The following SPINT3 variants were observed in gnomAD, a reference collection of about 807,000 sequenced individuals.
SPINT3 encodes the protein kunitz-type protease inhibitor 3.
In SPINT3, 4 loss-of-function variants were observed where a neutral mutation model predicts 3.3. That is an observed-to-expected ratio of 1.22 (90% confidence interval 0.60 to 2.79). The LOEUF (loss-of-function observed/expected upper bound fraction) is 2.79. Among genes scored for constraint, SPINT3 ranks in the 30% most tolerant of loss-of-function variants. The probability of loss-of-function intolerance (pLI) is 0.01; values close to 1 mark genes in which losing one functional copy is unlikely to be tolerated. For synonymous variants in SPINT3, 30 were observed against 38.6 expected, an observed-to-expected ratio of 0.78 and a Z score of 0.83; for missense variants, 97 against 104.3, an observed-to-expected ratio of 0.93 and a Z score of 0.31.
intron 1 of SPINT3, among the ~76,000 whole-genome samples, chr20:45,515,252 T>G (rs35801736): frequency 0.37 from 55,785 of 151,980 alleles, 11,258 homozygotes; most frequent in Non-Finnish European, 0.46. Context: ...ACTTTGATCA[T>G]CTATCATTTG....
In SPINT3 at chr20:45,512,753, A is replaced by G. The variant is rs1168407054; in HGVS notation, c.168T>C (p.Phe56=). The part of the protein sequence containing the change: ...QTYMTRWFFN[F]ETGECELFAY... Reference sequence around the variant, plus strand: ...CAAATAACTCACATTCACCAGTTTCAAAGTTGAAAAACCATCGCGTCATGT... The same window carrying G: ...CAAATAACTCACATTCACCAGTTTCGAAGTTGAAAAACCATCGCGTCATGT... The change falls in exon 2 of 2, where the codon TTT becomes TTC. Residue 56 remains phenylalanine (F), a synonymous_variant. Transcript: ENST00000217428. 6.4e-7 allele frequency: 1 copy of G among 1,551,724 alleles called. No individual in the cohort carries two copies.
chr20:45,514,239 C>T (rs886158830), intron 1 of SPINT3, among the ~76,000 whole-genome samples: 6 of 152,204 alleles, frequency 3.9e-5, no homozygotes, highest in Non-Finnish European at 8.8e-5. Flanking sequence ...AGGAAAATCA[C>T]TTGACTTGCT....
chr20:45,515,044 T>C (rs940475949), intron 1 of SPINT3, among the ~76,000 whole-genome samples: 1 of 152,122 alleles, frequency 6.6e-6, no homozygotes, highest in Non-Finnish European at 1.5e-5. Flanking sequence ...CCCACTTCCA[T>C]TTGCAGATTC....
In SPINT3 at chr20:45,512,540, G is replaced by C; in HGVS notation, c.*111C>G. On this transcript the variant is annotated 3_prime_UTR_variant, in exon 2 of 2. Coordinates refer to ENST00000217428, the MANE Select transcript of SPINT3 (RefSeq NM_006652.2). ...CACATCAGGGAGAATAAATGTGGGG[G>C]TAGAGGAATGAACCTCTTGTTCACA... is the stretch of plus-strand genomic sequence containing the variant. The C allele has an allele frequency of 9.9e-7, 1 of 1,006,322 alleles. No homozygotes were observed. Among genetic ancestry groups the C allele is most frequent in the Admixed American group, 2.7e-5 (1 of 37,696 alleles). 62.3% of individuals were successfully genotyped at this position (1,006,322 alleles called of 1,614,324 possible). A position where few individuals can be genotyped will look rare whatever the true frequency, so the allele number is the denominator to read the frequency against.
rs1978773628 is a variant in SPINT3, at chr20:45,512,825, GA to G, written c.95del (p.Leu32ProfsTer18). ...CCATAGGAAAAGCGCATACATTTGG[GA>G]GGAGATCCTTGATAGTGTCTGAAGA... is the stretch of plus-strand genomic sequence containing the variant. ...ELARDTIKDL[L>X]PNVCAFPMEK... On this transcript the variant is annotated frameshift_variant, in exon 2 of 2. Transcript: ENST00000217428. LOFTEE classifies it low-confidence loss of function (END_TRUNC). The G allele has an allele frequency of 6.4e-7, 1 of 1,551,402 alleles. No homozygotes were observed. Among genetic ancestry groups the G allele is most frequent in the African/African-American group, 1.4e-5 (1 of 73,034 alleles).
At chr20:45,515,448 G>A in intron 1 of SPINT3, 85 bp downstream of exon 1, 1 of 1,159,126 alleles carries the variant, frequency 8.6e-7, no homozygotes, top group Non-Finnish European at 1.3e-6. Flanking sequence ...AATGGGCTCT[G>A]TTTGTGCTGC....
In SPINT3 at chr20:45,512,806, GAAAA is replaced by G. The variant is rs1338394676; in HGVS notation, c.111_114del (p.Phe38LeufsTer11). On this transcript the variant is annotated frameshift_variant, in exon 2 of 2. Coordinates refer to ENST00000217428, the MANE Select transcript of SPINT3 (RefSeq NM_006652.2). LOFTEE classifies it low-confidence loss of function (END_TRUNC). ...GTTTGACAAGGGCCCTTTTCCATAG[GAAAA>G]GCGCATACATTTGGGAGGAGATCCT... 6.4e-7 allele frequency: 1 copy of G among 1,551,524 alleles called. No homozygotes were observed. Among genetic ancestry groups the G allele is most frequent in the Non-Finnish European group, 8.7e-7 (1 of 1,146,992 alleles).
At position 45,512,561 on chromosome 20, in the gene SPINT3, TCACACACACA is replaced by T; in HGVS notation, c.*80_*89del. 3.8e-5 allele frequency: 42 copies of T among 1,113,740 alleles called. No individual in the cohort carries two copies. The highest frequency in any genetic ancestry group is 4.7e-5 in the Non-Finnish European group (37 of 791,312). The allele number at this position is 1,113,740 out of a possible 1,614,324, so 69.0% of individuals were successfully genotyped here. A position where few individuals can be genotyped will look rare whatever the true frequency, so the allele number is the denominator to read the frequency against. ...GGGGGTAGAGGAATGAACCTCTTGT[TCACACACACA>T]CACACACACACACGCAAATGCCTTC... On this transcript the variant is annotated 3_prime_UTR_variant, in exon 2 of 2. Coordinates refer to ENST00000217428, the MANE Select transcript of SPINT3 (RefSeq NM_006652.2).
chr20:45,513,752 T>C (rs1232455559), intron 1 of SPINT3, among the ~76,000 whole-genome samples: 1 of 152,240 alleles, frequency 6.6e-6, no homozygotes, highest in African/African-American at 2.4e-5. Context: ...AGTTTTACTC[T>C]TCATGGTAGC....
At chr20:45,515,465 T>TCCCCCCC in intron 1 of SPINT3, 68 bp downstream of exon 1, 16 of 1,333,610 alleles carry the variant, frequency 1.2e-5, no homozygotes, top group Admixed American at 7.9e-5. Flanking sequence ...CTGCATCACC[T>TCCCCCCC]CCCCCACCAC....
intron 1 of SPINT3, among the ~76,000 whole-genome samples, chr20:45,515,274 G>T (rs1006755437): frequency 6.6e-6 from 1 of 152,114 alleles, no homozygotes; most frequent in African/African-American, 2.4e-5. Context: ...ATTAGGTATT[G>T]TATGTCTCTC....
intron 1 of SPINT3, among the ~76,000 whole-genome samples, chr20:45,513,996 C>A (rs1648006880): frequency 1.3e-5 from 2 of 152,230 alleles, no homozygotes; most frequent in Non-Finnish European, 2.9e-5. Context: ...AAGGTTCAGA[C>A]TCTGTCTTAT....
chr20:45,512,967 T>C, intron 1 of SPINT3, 123 bp from the exon 2 acceptor site: 2 of 677,868 alleles, frequency 3.0e-6, no homozygotes, highest in Non-Finnish European at 5.0e-6. Flanking sequence ...CTGTGCTCTG[T>C]ACCTCTTTCT....
At chr20:45,515,465 T>TCCCCCCCCC in intron 1 of SPINT3, 68 bp downstream of exon 1, 1 of 1,333,644 alleles carries the variant, frequency 7.5e-7, no homozygotes, top group Non-Finnish European at 1.0e-6. Flanking sequence ...CTGCATCACC[T>TCCCCCCCCC]CCCCCACCAC....
rs1978775174 is a variant in SPINT3, at chr20:45,512,857, A to C, written c.77-13T>G. 3.2e-6 allele frequency: 5 copies of C among 1,549,816 alleles called. 1 individual carries two copies. The Admixed American group carries it at 5.9e-5, about 18-fold the overall frequency. ...TCCTTGATAGTGTCTGAAGAGAGAA[A>C]GTGGTTGAAGGAGACCAAACCCATC... On this transcript the variant is annotated splice_polypyrimidine_tract_variant and intron_variant, in intron 1 of 1. Coordinates refer to ENST00000217428, the MANE Select transcript of SPINT3 (RefSeq NM_006652.2).
rs901489463 is a variant in SPINT3 at position 45,514,865 on chromosome 20, T to A, written c.76+668A>T. Among the ~76,000 whole-genome samples, 12 of 152,224 alleles carry A rather than the reference T, an allele frequency of 7.9e-5. 1 individual carries two copies. Among genetic ancestry groups the A allele is most frequent in the Admixed American group, 7.9e-4 (12 of 15,282 alleles). ...CACTGGCACATTGACAGTGATAATC[T>A]CCAGAGGGTAAGATTTTGATAATTT... On this transcript the variant is annotated intron_variant, in intron 1 of 1. Coordinates refer to ENST00000217428, the MANE Select transcript of SPINT3 (RefSeq NM_006652.2).
At chr20:45,514,383 A>G (rs139995041) in intron 1 of SPINT3, among the ~76,000 whole-genome samples, 6 of 152,324 alleles carry the variant, frequency 3.9e-5, no homozygotes, top group African/African-American at 1.4e-4. Flanking sequence ...AGACTATTTG[A>G]TTAATAAAGC....
At chr20:45,512,883 A>T in intron 1 of SPINT3, 39 bp from the exon 2 acceptor site, 1 of 1,505,782 alleles carries the variant, frequency 6.6e-7, no homozygotes, top group Non-Finnish European at 9.0e-7. Flanking sequence ...CAAACCCATC[A>T]CCTTCTCCTT....
rs558469506 is a variant in SPINT3 at position 45,514,635 on chromosome 20, G to A, written c.76+898C>T. Among the ~76,000 whole-genome samples the A allele has an allele frequency of 9.9e-5, 15 of 152,278 alleles. 1 individual carries two copies. Among genetic ancestry groups the A allele is most frequent in the South Asian group, 8.3e-4 (4 of 4,822 alleles). Reference sequence around the variant, plus strand: ...CTTGTTAGAGAGACCCACCTCCACAGTTTCTGATCAGGTGGGACTGGGAAC... The same window carrying A: ...CTTGTTAGAGAGACCCACCTCCACAATTTCTGATCAGGTGGGACTGGGAAC... On this transcript the variant is annotated intron_variant, in intron 1 of 1. Coordinates refer to ENST00000217428, the MANE Select transcript of SPINT3 (RefSeq NM_006652.2).
Sources: allele counts gnomAD v4.1 joint callset (sites outside exome capture counted in the v4.1 genomes callset), GRCh38; gene constraint gnomAD v4.1.1; transcripts MANE v1.5; gene names NCBI Gene and HGNC (gene_info 2026-07-23, HGNC 2026-07-21).